CAMTA1: variants seen among roughly 807,000 people sequenced by gnomAD.
CAMTA1 encodes calmodulin binding transcription activator 1, also known as calmodulin-binding transcription activator 1.
In CAMTA1, 27 loss-of-function variants were observed where a neutral mutation model predicts 170.9. That is an observed-to-expected ratio of 0.16 (90% CI 0.12 to 0.22). CAMTA1 has a LOEUF of 0.22. Among genes scored for constraint, CAMTA1 ranks in the 10% least tolerant of loss-of-function variants. The pLI is 1.00. For synonymous variants in CAMTA1, 833 were observed against 891.5 expected (o/e 0.93, Z 1.17); for missense variants, 1,619 against 2,217.2 (o/e 0.73, Z 5.42).
intron 1 of CAMTA1, among the ~76,000 whole-genome samples, chr1:6,812,307 C>T (rs1467887582): frequency 6.6e-6 from 1 of 152,052 alleles, no homozygotes; most frequent in African/African-American, 2.4e-5. Context: ...GCCTTGTTAC[C>T]CATGTCTTGG....
At chr1:6,841,997 C>T (rs1655930521) in intron 3 of CAMTA1, among the ~76,000 whole-genome samples, 1 of 152,004 alleles carries the variant, frequency 6.6e-6, no homozygotes, top group African/African-American at 2.4e-5. Flanking sequence ...TCCTGGGGAG[C>T]CTGGATCAGC....
chr1:7,104,856 G>A (rs913880818), intron 4 of CAMTA1, among the ~76,000 whole-genome samples: 137 of 152,262 alleles, frequency 9.0e-4, no homozygotes, highest in African/African-American at 3.1e-3. Flanking sequence ...TGCATGGGGG[G>A]AATTATTCTT....
chr1:7,549,467 G>A (rs1389946568), intron 6 of CAMTA1, among the ~76,000 whole-genome samples: 1 of 152,158 alleles, frequency 6.6e-6, no homozygotes, highest in Non-Finnish European at 1.5e-5. Flanking sequence ...CAGAACCTGT[G>A]CTTGGCTGTC....
chr1:7,131,522 C>CTT lies in CAMTA1; in HGVS notation c.302+40166_302+40167dup, dbSNP rs58819912. Among the ~76,000 whole-genome samples, 12 of 126,686 alleles carry CTT rather than the reference C, an allele frequency of 9.5e-5. No individual in the cohort carries two copies. In the East Asian group the frequency reaches 1.6e-3, roughly 17 times the overall value. The allele number at this position is 126,686 out of a possible 152,430, so 83.1% of individuals were successfully genotyped here. A position where few individuals can be genotyped will look rare whatever the true frequency, so the allele number is the denominator to read the frequency against. On this transcript the variant is annotated intron_variant, in intron 4 of 22. Transcript: ENST00000303635. ...AGATGAGGGTCAAGGATCGTCTTTT[C>CTT]TTTTTTTTTTTTTTTTCTTGCTGTG...
intron 4 of CAMTA1, among the ~76,000 whole-genome samples, chr1:7,098,322 A>G (rs1330312038): frequency 6.6e-6 from 1 of 152,244 alleles, no homozygotes; most frequent in Non-Finnish European, 1.5e-5. Flanking sequence ...CGCACTTCAA[A>G]TTAACACAGA....
At chr1:7,406,646 A>C (rs1486234811) in intron 5 of CAMTA1, among the ~76,000 whole-genome samples, 1 of 152,060 alleles carries the variant, frequency 6.6e-6, no homozygotes, top group Non-Finnish European at 1.5e-5. Flanking sequence ...ACGAGCACAC[A>C]CACGCACACA....
intron 1 of CAMTA1, among the ~76,000 whole-genome samples, chr1:6,794,666 A>G (rs1187308419): frequency 6.6e-6 from 1 of 152,164 alleles, no homozygotes; most frequent in Non-Finnish European, 1.5e-5. Flanking sequence ...AACATTAGAC[A>G]TCTAGGAATC....
At chr1:7,405,900 G>A (rs575132093) in intron 5 of CAMTA1, among the ~76,000 whole-genome samples, 1 of 152,294 alleles carries the variant, frequency 6.6e-6, no homozygotes, top group African/African-American at 2.4e-5. Context: ...GGGACAGAAG[G>A]GGGCACCGTT....
chr1:7,220,685 A>G (rs898255718), intron 4 of CAMTA1, among the ~76,000 whole-genome samples: 1 of 152,240 alleles, frequency 6.6e-6, no homozygotes. Context: ...AATGGGACAC[A>G]GCCAACATCT....
At chr1:7,553,066 A>C (rs1281611560) in intron 6 of CAMTA1, among the ~76,000 whole-genome samples, 2 of 152,234 alleles carry the variant, frequency 1.3e-5, no homozygotes, top group African/African-American at 4.8e-5. Flanking sequence ...TAAGATTGGT[A>C]GTGAGAACAG....
At chr1:7,460,333 C>T (rs1386473671) in intron 5 of CAMTA1, among the ~76,000 whole-genome samples, 6 of 152,212 alleles carry the variant, frequency 3.9e-5, no homozygotes, top group Non-Finnish European at 5.9e-5. Context: ...CTTCATCCTC[C>T]GGGCTGATCC....
At chr1:7,002,275 A>G (rs1344525950) in intron 3 of CAMTA1, among the ~76,000 whole-genome samples, 1 of 152,160 alleles carries the variant, frequency 6.6e-6, no homozygotes, top group Non-Finnish European at 1.5e-5. Flanking sequence ...ACCGAGGTGC[A>G]GTGTCCTATA....
chr1:6,857,183 T>C (rs1662754500), intron 3 of CAMTA1, among the ~76,000 whole-genome samples: 1 of 151,808 alleles, frequency 6.6e-6, no homozygotes, highest in Non-Finnish European at 1.5e-5. Context: ...AAGTTAACGG[T>C]GGAGGTGGCG....
chr1:7,459,700 C>T (rs7544142), intron 5 of CAMTA1, among the ~76,000 whole-genome samples: 2,125 of 152,316 alleles, frequency 0.014, 21 homozygotes, highest in Non-Finnish European at 0.022. Context: ...CCTGGGCTTG[C>T]AGTCCAGGTA....
chr1:7,759,517 GT>G (rs1180792559), intron 22 of CAMTA1, among the ~76,000 whole-genome samples: 1 of 151,982 alleles, frequency 6.6e-6, no homozygotes, highest in Non-Finnish European at 1.5e-5. Flanking sequence ...TGGTTGTTTT[GT>G]TTTTTGTTTT....
At chr1:7,210,464 A>T (rs545691283) in intron 4 of CAMTA1, among the ~76,000 whole-genome samples, 1 of 152,192 alleles carries the variant, frequency 6.6e-6, no homozygotes, top group East Asian at 1.9e-4. Flanking sequence ...CTTTACTGGG[A>T]TTGTTGACTT....
At chr1:7,169,331 AGAT>A (rs1202712351) in intron 4 of CAMTA1, among the ~76,000 whole-genome samples, 4 of 152,216 alleles carry the variant, frequency 2.6e-5, no homozygotes, top group African/African-American at 9.7e-5. Context: ...AATTTGTGTA[AGAT>A]GATGATTTGG....
At chr1:7,475,438 G>A (rs1269841303) in intron 6 of CAMTA1, among the ~76,000 whole-genome samples, 2 of 152,202 alleles carry the variant, frequency 1.3e-5, no homozygotes, top group African/African-American at 2.4e-5. Context: ...GAAGCAAGTC[G>A]CTCCCTGAGG....
intron 4 of CAMTA1, among the ~76,000 whole-genome samples, chr1:7,228,671 C>T (rs1037188357): frequency 3.3e-5 from 5 of 152,122 alleles, no homozygotes; most frequent in Middle Eastern, 3.2e-3. Context: ...GGCCTCGGAC[C>T]GGGGATGGCG....
Sources: allele counts gnomAD v4.1 joint callset (sites outside exome capture counted in the v4.1 genomes callset), GRCh38; gene constraint gnomAD v4.1.1; transcripts MANE v1.5; gene names NCBI Gene and HGNC (gene_info 2026-07-23, HGNC 2026-07-21).